Variants in HUNK observed in about 807,000 individuals in gnomAD.
HUNK encodes the protein hormonally up-regulated Neu-associated kinase.
A neutral mutation model predicts 61.0 loss-of-function variants in HUNK; 21 were observed. That is an observed-to-expected ratio of 0.34 (90% CI 0.24 to 0.50). The LOEUF (loss-of-function observed/expected upper bound fraction) is 0.50. Ranked by LOEUF, HUNK falls within the 20% of genes least tolerant of loss-of-function variation. The probability of loss-of-function intolerance (pLI) is 0.98; values close to 1 mark genes in which losing one functional copy is unlikely to be tolerated. For synonymous variants in HUNK, 371 were observed against 386.1 expected (o/e 0.96, Z 0.46); for missense variants, 772 against 945.7 (o/e 0.82, Z 2.41).
Position 32,002,775 on chromosome 21 carries a change from A to G in HUNK, c.*3591A>G, listed in dbSNP as rs1303279347. ...CATAACTGTTCACAAAACGTTTTTCATATATACCACCTTGTTTCCCCTGGG... is the reference window on the plus strand; with the variant it reads ...CATAACTGTTCACAAAACGTTTTTCGTATATACCACCTTGTTTCCCCTGGG... On this transcript the variant is annotated 3_prime_UTR_variant, in exon 11 of 11. Transcript: ENST00000270112. The G allele has an allele frequency of 6.6e-6, 1 of 152,136 alleles. No homozygotes were observed. Among genetic ancestry groups the G allele is most frequent in the Non-Finnish European group, 1.5e-5 (1 of 68,028 alleles). The allele number at this position is 152,136 out of a possible 1,614,324, so 9.4% of individuals were successfully genotyped here.
intron 7 of HUNK, among the ~76,000 whole-genome samples, chr21:31,980,407 T>G (rs1470926328): frequency 7.3e-6 from 1 of 137,136 alleles, no homozygotes; most frequent in Non-Finnish European, 1.5e-5. Flanking sequence ...AGATGGAGTC[T>G]CGCTCTGTCA....
intron 1 of HUNK, among the ~76,000 whole-genome samples, chr21:31,910,495 T>C (rs1200134775): frequency 1.3e-5 from 2 of 151,680 alleles, no homozygotes; most frequent in East Asian, 1.9e-4. Flanking sequence ...ATATCCTTTT[T>C]TTTTTTTTTT....
chr21:31,966,298 A>G (rs1052913516), intron 5 of HUNK, among the ~76,000 whole-genome samples: 1 of 152,204 alleles, frequency 6.6e-6, no homozygotes, highest in Non-Finnish European at 1.5e-5. Context: ...ACATGTATAT[A>G]TATATGTCAC....
At position 31,917,511 on chromosome 21, in the gene HUNK, ATCT is replaced by A. The variant is rs1568924642; in HGVS notation, c.262-6952_262-6950del. Among the ~76,000 whole-genome samples, 5 of 152,200 alleles carry A rather than the reference ATCT, an allele frequency of 3.3e-5. No homozygotes were observed. The South Asian group carries it at 1.0e-3, about 32-fold the overall frequency. On this transcript the variant is annotated intron_variant, in intron 1 of 10. Coordinates refer to ENST00000270112, the MANE Select transcript of HUNK (RefSeq NM_014586.2). Reference sequence around the variant, plus strand: ...CCACCACTGCAGGACTTTGCTACTAATCTTCTTGGAAATATGGGGGAAATCTTT... The same window carrying A: ...CCACCACTGCAGGACTTTGCTACTAATCTTGGAAATATGGGGGAAATCTTT...
chr21:31,900,446 A>AACACACACACACACACACACACACACAC (rs3138690), intron 1 of HUNK, among the ~76,000 whole-genome samples: 5 of 143,024 alleles, frequency 3.5e-5, no homozygotes, highest in African/African-American at 1.3e-4. Flanking sequence ...TAGTTACTGA[A>AACACACACACACACACACACACACACAC]ACACACACAC....
intron 4 of HUNK, among the ~76,000 whole-genome samples, chr21:31,956,256 C>G (rs2052888818): frequency 6.6e-6 from 1 of 152,170 alleles, no homozygotes; most frequent in Non-Finnish European, 1.5e-5. Flanking sequence ...CCTTGGAAAG[C>G]TTTATTTTTG....
intron 2 of HUNK, among the ~76,000 whole-genome samples, chr21:31,925,105 G>T (rs1352563130): frequency 1.3e-5 from 2 of 152,090 alleles, no homozygotes; most frequent in African/African-American, 4.8e-5. Context: ...CACCATGTTG[G>T]CCAGGCTGGG....
chr21:31,997,380 C>G (rs962532163), intron 10 of HUNK, among the ~76,000 whole-genome samples: 2 of 152,192 alleles, frequency 1.3e-5, no homozygotes, highest in African/African-American at 4.8e-5. Context: ...AGGTTCCATC[C>G]AGATCAAAAG....
intron 2 of HUNK, among the ~76,000 whole-genome samples, chr21:31,926,463 C>CA (rs1555877548): frequency 1.4e-4 from 22 of 151,768 alleles, no homozygotes; most frequent in African/African-American, 5.3e-4. Flanking sequence ...TATTACCCCC[C>CA]GCAAAAGAAA....
intron 1 of HUNK, among the ~76,000 whole-genome samples, chr21:31,920,968 A>G (rs751888239): frequency 2.1e-4 from 32 of 152,218 alleles, no homozygotes; most frequent in Non-Finnish European, 3.4e-4. Context: ...CCTGGCCAAC[A>G]TGGCCAAACC....
rs920893331 is a variant in HUNK at position 31,936,729 on chromosome 21, A to AT, written c.555-3427dup. ...CATTTCCTAGATTTGAAAAGCGGATATTTTTTTTTCTTTTGCATTTTCTCT... is the reference window on the plus strand; with the variant it reads ...CATTTCCTAGATTTGAAAAGCGGATATTTTTTTTTTCTTTTGCATTTTCTCT... On this transcript the variant is annotated intron_variant, in intron 2 of 10. Transcript: ENST00000270112. 1.6e-3 allele frequency among the ~76,000 whole-genome samples: 241 copies of AT among 150,926 alleles called. 1 individual carries two copies. The highest frequency in any genetic ancestry group is 5.0e-3 in the African/African-American group (205 of 41,078).
chr21:31,992,208 C>T (rs1390400800), intron 9 of HUNK, among the ~76,000 whole-genome samples: 1 of 152,134 alleles, frequency 6.6e-6, no homozygotes, highest in Non-Finnish European at 1.5e-5. Context: ...CATCATACCC[C>T]CAGTTGCACA....
At chr21:31,888,057 G>A (rs749103713) in intron 1 of HUNK, among the ~76,000 whole-genome samples, 73 of 152,242 alleles carry the variant, frequency 4.8e-4, no homozygotes, top group Non-Finnish European at 9.3e-4. Flanking sequence ...GCCTTTTGTG[G>A]TAGGTACTGT....
chr21:31,981,325 C>A (rs1457088034), intron 7 of HUNK, among the ~76,000 whole-genome samples: 1 of 148,264 alleles, frequency 6.7e-6, no homozygotes, highest in African/African-American at 2.5e-5. Flanking sequence ...TTCAAAATGA[C>A]TTTGGCTATT....
intron 1 of HUNK, among the ~76,000 whole-genome samples, chr21:31,917,935 C>G (rs930496489): frequency 1.3e-5 from 2 of 152,118 alleles, no homozygotes; most frequent in African/African-American, 4.8e-5. Context: ...GATTTAATTT[C>G]ACTCTGTAAA....
At chr21:31,974,489 G>T (rs536700068) in intron 6 of HUNK, 66 bp from the exon 7 acceptor site, 2 of 1,432,202 alleles carry the variant, frequency 1.4e-6, no homozygotes, top group South Asian at 2.9e-5. Context: ...ATTGTGCCCA[G>T]GGGGTCTGTG....
chr21:31,946,605 G>C (rs1229194159), intron 4 of HUNK, among the ~76,000 whole-genome samples: 1 of 150,996 alleles, frequency 6.6e-6, no homozygotes. Flanking sequence ...CCCTTTTGTC[G>C]CTCCCACCTC....
chr21:31,895,004 G>C (rs1280833004), intron 1 of HUNK, among the ~76,000 whole-genome samples: 1 of 152,208 alleles, frequency 6.6e-6, no homozygotes, highest in African/African-American at 2.4e-5. Context: ...GACTGATTAA[G>C]TGTCCCAGGA....
At chr21:31,994,823 T>G (rs1232237730) in intron 9 of HUNK, among the ~76,000 whole-genome samples, 1 of 152,200 alleles carries the variant, frequency 6.6e-6, no homozygotes, top group Non-Finnish European at 1.5e-5. Context: ...ATCAGATGGA[T>G]TATATTCTAG....
Sources: allele counts gnomAD v4.1 joint callset (sites outside exome capture counted in the v4.1 genomes callset), GRCh38; gene constraint gnomAD v4.1.1; transcripts MANE v1.5; gene names NCBI Gene and HGNC (gene_info 2026-07-23, HGNC 2026-07-21).